The following BCAT2 variants were observed in gnomAD, a reference collection of about 807,000 sequenced individuals.
The protein encoded by BCAT2 is branched-chain-amino-acid aminotransferase, mitochondrial.
BCAT2 carries 44 observed loss-of-function variants against 52.9 expected under a neutral mutation model. The observed-to-expected ratio is 0.83, with a 90% confidence interval of 0.65 to 1.07. The LOEUF is 1.07. Among genes scored for constraint, BCAT2 ranks in the 50% least tolerant of loss-of-function variants. BCAT2 has a pLI of 0.00. For missense variants in BCAT2, 478 were observed against 521.8 expected (o/e 0.92, Z 0.82); for synonymous variants, 215 against 217.1 (o/e 0.99, Z 0.08).
At chr19:48,806,834 G>A (rs1397995863) in intron 2 of BCAT2, 117 bp from the exon 3 acceptor site, 1 of 1,418,642 alleles carries the variant, frequency 7.0e-7, no homozygotes, top group East Asian at 2.3e-5. Flanking sequence ...TCACCCTGGA[G>A]GATTCTGGGA....
intron 3 of BCAT2, among the ~76,000 whole-genome samples, chr19:48,804,492 G>A (rs934260143): frequency 5.9e-5 from 9 of 152,052 alleles, no homozygotes; most frequent in Admixed American, 1.3e-4. Flanking sequence ...TGCAGTGAGC[G>A]AGATTGTATC....
At chr19:48,805,407 C>G (rs1251221840) in intron 3 of BCAT2, among the ~76,000 whole-genome samples, 12 of 152,074 alleles carry the variant, frequency 7.9e-5, no homozygotes, top group South Asian at 6.2e-4. Context: ...CCAGACATGG[C>G]CCTGCCCCTC....
chr19:48,803,432 G>A (rs528000695), intron 3 of BCAT2, among the ~76,000 whole-genome samples: 6 of 152,240 alleles, frequency 3.9e-5, no homozygotes, highest in African/African-American at 1.2e-4. Context: ...GAAGGCTGAC[G>A]CAGGTGGATC....
rs749559083 is a variant in BCAT2, at chr19:48,806,653, A to C, written c.164T>G (p.Leu55Arg). Residue 55 changes from leucine (L) to arginine (R), a missense_variant, in exon 3 of 11, where the codon CTG (leucine) becomes CGG (arginine). By Grantham distance (102) the Leu-to-Arg change is moderately radical. Coordinates refer to ENST00000316273, the MANE Select transcript of BCAT2 (RefSeq NM_001190.4). The stretch of plus-strand genomic sequence containing the variant: ...GTCGGTAAATGTCTTCCCAAACACC[A>C]GGGGCTCGCCGGGGCCAGGCTTCTT... ...PHKKPGPGEP[L>R]VFGKTFTDHM... The C allele has an allele frequency of 6.2e-7, 1 of 1,614,106 alleles. No individual in the cohort carries two copies. Among genetic ancestry groups the C allele is most frequent in the Non-Finnish European group, 8.5e-7 (1 of 1,180,038 alleles).
chr19:48,800,599 G>C (rs1191902342), intron 3 of BCAT2, among the ~76,000 whole-genome samples: 2 of 152,102 alleles, frequency 1.3e-5, no homozygotes, highest in African/African-American at 4.8e-5. Flanking sequence ...TCACTTGAGT[G>C]TAGGAGTTCG....
intron 3 of BCAT2, 95 bp downstream of exon 3, chr19:48,806,422 A>G (rs1440491251): frequency 6.7e-7 from 1 of 1,492,324 alleles, no homozygotes; most frequent in East Asian, 2.3e-5. Flanking sequence ...AGAAACACAC[A>G]ACAAACAAAC....
At position 48,795,230 on chromosome 19, in the gene BCAT2, G is replaced by A; in HGVS notation, c.*196C>T. On this transcript the variant is annotated 3_prime_UTR_variant, in exon 11 of 11. Transcript: ENST00000316273. The stretch of plus-strand genomic sequence containing the variant: ...TGGGCGGACCTGAACCCGCGACGAG[G>A]GGCTGGGGGCCAAGATGCCTGGGTC... 1.5e-6 allele frequency: 1 copy of A among 662,014 alleles called. No homozygotes were observed. Among genetic ancestry groups the A allele is most frequent in the Non-Finnish European group, 2.6e-6 (1 of 378,866 alleles). 41.0% of individuals were successfully genotyped at this position (662,014 alleles called of 1,614,324 possible). A position where few individuals can be genotyped will look rare whatever the true frequency, so the allele number is the denominator to read the frequency against.
chr19:48,807,130 C>A lies in BCAT2; in HGVS notation c.25-56G>T. 1 of 1,475,762 alleles carries A rather than the reference C, an allele frequency of 6.8e-7. No individual in the cohort carries two copies. The highest frequency in any genetic ancestry group is 1.2e-5 in the South Asian group (1 of 81,212). The allele number at this position is 1,475,762 out of a possible 1,614,324, so 91.4% of individuals were successfully genotyped here. A position where few individuals can be genotyped will look rare whatever the true frequency, so the allele number is the denominator to read the frequency against. On this transcript the variant is annotated intron_variant, in intron 1 of 10. Transcript: ENST00000316273. This position sits in a 1 kb window ranked among gnomAD's most constrained non-coding sequence, Gnocchi z 4.6. Reference sequence around the variant, plus strand: ...GAGTGGGGCACAGCAGGGGCCCTGGCAGCTCGCTCGCCACCTCCTGCACTT... The same window carrying A: ...GAGTGGGGCACAGCAGGGGCCCTGGAAGCTCGCTCGCCACCTCCTGCACTT...
chr19:48,803,760 T>G (rs1183580735), intron 3 of BCAT2, among the ~76,000 whole-genome samples: 1 of 152,042 alleles, frequency 6.6e-6, no homozygotes, highest in African/African-American at 2.4e-5. Flanking sequence ...TGGGCTGGGG[T>G]GAGGGACAAT....
chr19:48,797,558 CT>C (rs935377748), intron 6 of BCAT2: 2,958 of 509,086 alleles, frequency 5.8e-3, no homozygotes, highest in East Asian at 7.1e-3. Flanking sequence ...CTTTTCTTTT[CT>C]TTTTTTTTTA....
At chr19:48,796,241 A>T in intron 10 of BCAT2, 187 bp downstream of exon 10, 1 of 699,882 alleles carries the variant, frequency 1.4e-6, no homozygotes, top group Non-Finnish European at 2.4e-6. Flanking sequence ...AGGGTGATTT[A>T]GCCCCAAGGG....
chr19:48,806,340 A>C (rs1279117764), intron 3 of BCAT2, among the ~76,000 whole-genome samples, 177 bp downstream of exon 3: 1 of 151,580 alleles, frequency 6.6e-6, no homozygotes, highest in African/African-American at 2.4e-5. Context: ...CATCTCGGGG[A>C]ACCCAGCATC....
In BCAT2 at chr19:48,807,813, G is replaced by A. The variant is rs2034825458; in HGVS notation, c.25-739C>T. On this transcript the variant is annotated intron_variant, in intron 1 of 10. Transcript: ENST00000316273. The surrounding 1 kb of genome is among the most constrained non-coding windows in gnomAD (Gnocchi z 4.6). ...AATTCCCTTCAGCCCCTGGGGCTGA[G>A]GGGCAGCTACAGGGGCCTGGGGAGC... 1 of 985,594 alleles carries A rather than the reference G, an allele frequency of 1.0e-6. No homozygotes were observed. The highest frequency in any genetic ancestry group is 5.2e-4 in the Middle Eastern group (1 of 1,916). 61.1% of individuals were successfully genotyped at this position (985,594 alleles called of 1,614,324 possible).
At position 48,808,423 on chromosome 19, in the gene BCAT2, A is replaced by T. The variant is rs868348876; in HGVS notation, c.25-1349T>A. On this transcript the variant is annotated intron_variant, in intron 1 of 10. Transcript: ENST00000316273. ...CAGAAAAAAAAAAAAACAAAAACAG[A>T]AATTGACGCCAAGAAACAAGAGATG... The T allele has an allele frequency of 2.1e-5, 6 of 288,694 alleles. No individual in the cohort carries two copies. The South Asian group carries it at 8.0e-4, about 39-fold the overall frequency. 17.9% of individuals were successfully genotyped at this position (288,694 alleles called of 1,614,324 possible).
chr19:48,797,501 C>A, intron 6 of BCAT2, 168 bp from the exon 7 acceptor site: 1 of 754,892 alleles, frequency 1.3e-6, no homozygotes, highest in Middle Eastern at 3.8e-4. Flanking sequence ...GCATCAGGAC[C>A]CTAAATGGTT....
chr19:48,809,050 G>A (rs994088933), intron 1 of BCAT2, among the ~76,000 whole-genome samples: 3 of 111,452 alleles, frequency 2.7e-5, no homozygotes, highest in Non-Finnish European at 5.0e-5. Flanking sequence ...TCCAGCATGA[G>A]TGATAGAGTG....
intron 7 of BCAT2, 66 bp from the exon 8 acceptor site, chr19:48,797,088 AC>A: frequency 6.2e-7 from 1 of 1,608,632 alleles, no homozygotes; most frequent in Non-Finnish European, 8.5e-7. Flanking sequence ...CTTAAGAGCC[AC>A]CCCCTTCCCC....
At chr19:48,796,015 G>C in intron 10 of BCAT2, 1 of 354,808 alleles carries the variant, frequency 2.8e-6, no homozygotes, top group Non-Finnish European at 5.1e-6. Context: ...GCTGGCTAAG[G>C]TCTCAGTGAT....
Position 48,796,622 on chromosome 19 carries a change from C to T in BCAT2, c.1021G>A (p.Ala341Thr), listed in dbSNP as rs779570956. ...CGGTGCACTGGGCAGACCTGGCAAG[C>T]GGTGCCCGAGCCAAAGACTTCCCGC... ...RVREVFGSGT[A>T]CQVCPVHRIL... Residue 341 changes from alanine (A) to threonine (T), a missense_variant, in exon 9 of 11, where the codon GCT becomes ACT. Transcript: ENST00000316273. The T allele has an allele frequency of 1.8e-5, 29 of 1,613,516 alleles. No homozygotes were observed. Among genetic ancestry groups the T allele is most frequent in the Admixed American group, 3.3e-5 (2 of 59,992 alleles).
Sources: allele counts gnomAD v4.1 joint callset (sites outside exome capture counted in the v4.1 genomes callset), GRCh38; gene constraint gnomAD v4.1.1; non-coding constraint Gnocchi (gnomAD v3.1); transcripts MANE v1.5; gene names NCBI Gene and HGNC (gene_info 2026-07-23, HGNC 2026-07-21).